Variants in DYNC1H1 observed in about 807,000 individuals in gnomAD.
DYNC1H1 encodes cytoplasmic dynein 1 heavy chain 1.
Under a neutral mutation model 527.1 loss-of-function variants are expected in DYNC1H1, and 51 were observed. The ratio of observed to expected loss-of-function variants is 0.10; its 90% CI spans 0.08 to 0.12. The LOEUF is 0.12. Among genes scored for constraint, DYNC1H1 ranks in the 10% least tolerant of loss-of-function variants. DYNC1H1 has a pLI of 1.00. For missense variants in DYNC1H1, 2,771 were observed against 5,971.8 expected (o/e 0.46, Z 17.66); for synonymous variants, 2,189 against 2,278.8 (o/e 0.96, Z 1.12).
At chr14:101,970,548 T>A (rs577239465) in intron 1 of DYNC1H1, among the ~76,000 whole-genome samples, 5 of 133,982 alleles carry the variant, frequency 3.7e-5, no homozygotes, top group Non-Finnish European at 6.2e-5. Context: ...AGTGGCACGA[T>A]CTCCGCTCAC....
intron 11 of DYNC1H1, among the ~76,000 whole-genome samples, chr14:101,992,820 C>CGG (rs2048013140): frequency 6.6e-6 from 1 of 152,154 alleles, no homozygotes; most frequent in Admixed American, 6.5e-5. Flanking sequence ...TTCAGAACAC[C>CGG]GTGCCTCCTG....
chr14:102,038,268 C>T lies in DYNC1H1; in HGVS notation c.10909-192C>T, dbSNP rs894155720. 2.4e-5 allele frequency: 22 copies of T among 931,096 alleles called. No individual in the cohort carries two copies. Among genetic ancestry groups the T allele is most frequent in the Admixed American group, 6.2e-5 (3 of 48,048 alleles). The allele number at this position is 931,096 out of a possible 1,614,324, so 57.7% of individuals were successfully genotyped here. A position where few individuals can be genotyped will look rare whatever the true frequency, so the allele number is the denominator to read the frequency against. ...TGCTGGAATTACAGGCGTGAGCCAC[C>T]GCATCTGGCTGAGTTTTTAATTTTA... is the stretch of plus-strand genomic sequence containing the variant. On this transcript the variant is annotated intron_variant, in intron 57 of 77. Transcript: ENST00000360184. The surrounding 1 kb of genome is among the most constrained non-coding windows in gnomAD (Gnocchi z 7.2).
chr14:102,023,059 T>C, intron 43 of DYNC1H1, 179 bp downstream of exon 43: 1 of 1,002,492 alleles, frequency 1.0e-6, no homozygotes, highest in South Asian at 1.4e-5. Flanking sequence ...TCCCAGGAGT[T>C]TGAGACCAGC....
chr14:102,047,831 A>T lies in DYNC1H1; in HGVS notation c.13021A>T (p.Ser4341Cys). 1 of 1,613,314 alleles carries T rather than the reference A, an allele frequency of 6.2e-7. No homozygotes were observed. Among genetic ancestry groups the T allele is most frequent in the South Asian group, 1.1e-5 (1 of 91,064 alleles). Residue 4341 changes from serine to cysteine, a missense_variant, in exon 73 of 78, where the codon AGT (serine) becomes TGT (cysteine). This residue lies in a region of DYNC1H1 where 170 missense variants were observed against 249.8 expected (regional missense o/e 0.68). Coordinates refer to ENST00000360184, the MANE Select transcript of DYNC1H1 (RefSeq NM_001376.5). ...LLTTQGVDMI[S>C]KMLKMQMLED... ...CTGTGGCCCAGGTGTGGACATGATC[A>T]GTAAAATGCTGAAGATGCAGATGTT...
Position 102,036,800 on chromosome 14 carries a change from T to C in DYNC1H1, c.10908+158T>C. 4.7e-6 allele frequency: 5 copies of C among 1,070,038 alleles called. No individual in the cohort carries two copies. The highest frequency in any genetic ancestry group is 7.0e-6 in the Non-Finnish European group (5 of 717,592). The allele number at this position is 1,070,038 out of a possible 1,614,324, so 66.3% of individuals were successfully genotyped here. On this transcript the variant is annotated intron_variant, in intron 57 of 77. Transcript: ENST00000360184. The surrounding 1 kb of genome is among the most constrained non-coding windows in gnomAD (Gnocchi z 5.6). ...ATAGATAAATTCAACAGAATCATTA[T>C]TTGCATTTAAAATTCTATTCAGTGG...
intron 42 of DYNC1H1, among the ~76,000 whole-genome samples, chr14:102,021,656 CTTTTTTTT>C (rs757880988): frequency 3.3e-5 from 4 of 119,840 alleles, no homozygotes; most frequent in Non-Finnish European, 5.1e-5. Flanking sequence ...TTTTCTTTTT[CTTTTTTTT>C]TTTTTTTTTT....
At chr14:102,014,602 C>T (rs1241962681) in intron 34 of DYNC1H1, among the ~76,000 whole-genome samples, 1 of 151,726 alleles carries the variant, frequency 6.6e-6, no homozygotes, top group Non-Finnish European at 1.5e-5. Context: ...GAGGGATCCA[C>T]GCCCGGTGCG....
In DYNC1H1 at chr14:101,970,470, G is replaced by GTTTTTTTTTTTTTTTTTTTTTTTTTTTT. The variant is rs1324948272; in HGVS notation, c.257-5240_257-5239insTTTTTTTTTTTTTTTTTTTTTTTTTTTT. ...GTGGTATTAGTATGTTTGGTTTGTTGTTGTTTTTTTTTTTTTTTTTTTTTT... is the reference window on the plus strand; with the variant it reads ...GTGGTATTAGTATGTTTGGTTTGTTGTTTTTTTTTTTTTTTTTTTTTTTTTTTTTTGTTTTTTTTTTTTTTTTTTTTTT... On this transcript the variant is annotated intron_variant, in intron 1 of 77. Coordinates refer to ENST00000360184, the MANE Select transcript of DYNC1H1 (RefSeq NM_001376.5). Among the ~76,000 whole-genome samples the GTTTTTTTTTTTTTTTTTTTTTTTTTTTT allele has an allele frequency of 2.1e-5, 2 of 96,276 alleles. 1 individual carries two copies. The highest frequency in any genetic ancestry group is 9.5e-5 in the African/African-American group (2 of 21,026). The allele number at this position is 96,276 out of a possible 152,430, so 63.2% of individuals were successfully genotyped here.
chr14:101,984,579 T>C (rs1170472959), intron 7 of DYNC1H1, among the ~76,000 whole-genome samples: 1 of 146,524 alleles, frequency 6.8e-6, no homozygotes, highest in Admixed American at 6.9e-5. Context: ...AGCCTCCGAG[T>C]AGCCGGAATT....
chr14:101,971,385 A>C (rs1190074570), intron 1 of DYNC1H1, among the ~76,000 whole-genome samples: 1 of 151,190 alleles, frequency 6.6e-6, no homozygotes, highest in Admixed American at 6.6e-5. Flanking sequence ...AGGGTGGTAT[A>C]GTTTTTAAGG....
intron 7 of DYNC1H1, among the ~76,000 whole-genome samples, chr14:101,984,241 C>T (rs1566998223): frequency 6.6e-6 from 1 of 151,910 alleles, no homozygotes; most frequent in Non-Finnish European, 1.5e-5. Context: ...CCGCCCACCT[C>T]AGCCTCCCAA....
chr14:101,993,945 T>C (rs2048027229), intron 11 of DYNC1H1, among the ~76,000 whole-genome samples: 2 of 152,352 alleles, frequency 1.3e-5, no homozygotes, highest in Non-Finnish European at 2.9e-5. Context: ...CGTGCACTTT[T>C]CAGCTGTTTT....
At chr14:102,004,996 C>T in intron 25 of DYNC1H1, 46 bp downstream of exon 25, 1 of 1,614,168 alleles carries the variant, frequency 6.2e-7, no homozygotes, top group South Asian at 1.1e-5. Context: ...AAACGCAGAC[C>T]AATCTTTAAA....
At chr14:101,968,842 G>A (rs968173338) in intron 1 of DYNC1H1, among the ~76,000 whole-genome samples, 1 of 152,200 alleles carries the variant, frequency 6.6e-6, no homozygotes, top group African/African-American at 2.4e-5. Flanking sequence ...GATTACAGGC[G>A]TGCGCCATGA....
At position 102,005,101 on chromosome 14, in the gene DYNC1H1, G is replaced by A. The variant is rs149395439; in HGVS notation, c.5298G>A (p.Leu1766=). 4 of 1,614,202 alleles carry A rather than the reference G, an allele frequency of 2.5e-6. No homozygotes were observed. The highest frequency in any genetic ancestry group is 2.2e-5 in the South Asian group (2 of 91,088). ...IAWSENVETA[L]SSMGGGGDAA... ...GGTCTGAGAACGTGGAGACCGCACT[G>A]AGCAGCATGGGCGGAGGTGGAGATG... is the stretch of plus-strand genomic sequence containing the variant. The change falls in exon 26 of 78, where the codon CTG becomes CTA. Residue 1766 remains leucine (L), a synonymous_variant. Coordinates refer to ENST00000360184, the MANE Select transcript of DYNC1H1 (RefSeq NM_001376.5). The surrounding 1 kb of genome is among the most constrained non-coding windows in gnomAD (Gnocchi z 4.0).
At position 101,979,896 on chromosome 14, in the gene DYNC1H1, T is replaced by C. The variant is rs1037520835; in HGVS notation, c.696T>C (p.Phe232=). ...ERGEKPKVTD[F]GDKVEDPTFL... Reference sequence around the variant, plus strand: ...GAGAAAAGCCAAAAGTTACAGACTTTGGTGATAAGGTTGAAGACCCAACAT... The same window carrying C: ...GAGAAAAGCCAAAAGTTACAGACTTCGGTGATAAGGTTGAAGACCCAACAT... The change falls in exon 4 of 78, where the codon TTT becomes TTC. Residue 232 remains phenylalanine (F), a synonymous_variant. Coordinates refer to ENST00000360184, the MANE Select transcript of DYNC1H1 (RefSeq NM_001376.5). This position sits in a 1 kb window ranked among gnomAD's most constrained non-coding sequence, Gnocchi z 4.6. 1.2e-6 allele frequency: 2 copies of C among 1,614,212 alleles called. No homozygotes were observed. Among genetic ancestry groups the C allele is most frequent in the South Asian group, 1.1e-5 (1 of 91,088 alleles).
chr14:102,046,860 G>GCAAT (rs895691970), intron 72 of DYNC1H1, among the ~76,000 whole-genome samples: 3 of 151,300 alleles, frequency 2.0e-5, no homozygotes, highest in African/African-American at 7.3e-5. Context: ...GTGCAGTGGT[G>GCAAT]CAATCAGAGC....
chr14:102,006,744 C>T (rs748596085), intron 27 of DYNC1H1, among the ~76,000 whole-genome samples: 8 of 152,030 alleles, frequency 5.3e-5, no homozygotes, highest in East Asian at 1.9e-4. Flanking sequence ...GGACTACAGG[C>T]GCCCACCAAC....
rs1467036408 is a variant in DYNC1H1 at position 102,044,340 on chromosome 14, A to G, written c.12751A>G (p.Ile4251Val). The G allele has an allele frequency of 6.2e-7, 1 of 1,614,218 alleles. No homozygotes were observed. Among genetic ancestry groups the G allele is most frequent in the Admixed American group, 1.7e-5 (1 of 60,028 alleles). Residue 4251 changes from isoleucine (I) to valine (V), a missense_variant, in exon 71 of 78, where the codon ATT (isoleucine) becomes GTT (valine). Transcript: ENST00000360184. The surrounding 1 kb of genome is among the most constrained non-coding windows in gnomAD (Gnocchi z 7.1). ...SALKTLMAQS[I>V]YGGRVDNEFD... ...ACTAAAGACCTTAATGGCCCAGTCC[A>G]TTTATGGCGGGCGCGTGGACAACGA...
Sources: gnomAD v4.1 joint callset for allele counts (sites outside exome capture counted in the v4.1 genomes callset) on GRCh38, gnomAD v4.1.1 for gene constraint, gnomAD v4.1.1 regional missense constraint, Gnocchi (gnomAD v3.1) non-coding constraint, MANE v1.5 for transcripts, NCBI Gene and HGNC (gene_info 2026-07-23, HGNC 2026-07-21) for gene names.